The following SH3BGR variants were observed in gnomAD, a reference collection of about 807,000 sequenced individuals.
SH3BGR encodes the protein SH3 domain-binding glutamic acid-rich protein.
In SH3BGR, 29 loss-of-function variants were observed where a neutral mutation model predicts 24.5. That is an observed-to-expected ratio of 1.18 (90% CI 0.88 to 1.61). The LOEUF (loss-of-function observed/expected upper bound fraction) is 1.61. Ranked by LOEUF, SH3BGR falls within the 40% of genes most tolerant of loss-of-function variation. The pLI, the probability that SH3BGR is intolerant of heterozygous loss-of-function variation, is 0.00. For synonymous variants in SH3BGR, 55 were observed against 65.7 expected (o/e 0.84, Z 0.79); for missense variants, 162 against 205.8 (o/e 0.79, Z 1.30).
At position 39,510,398 on chromosome 21, in the gene SH3BGR, T is replaced by TACACAC. The variant is rs34806393; in HGVS notation, c.436-1263_436-1258dup. On this transcript the variant is annotated intron_variant, in intron 5 of 6. Transcript: ENST00000333634. ...CACACACACACACACACACTGTAGCTACACACACACACACACACACACACT... is the reference window on the plus strand; with the variant it reads ...CACACACACACACACACACTGTAGCTACACACACACACACACACACACACACACACT... Among the ~76,000 whole-genome samples the TACACAC allele has an allele frequency of 1.9e-3, 207 of 111,656 alleles. 3 individuals carry two copies. The highest frequency in any genetic ancestry group is 6.7e-3 in the African/African-American group (189 of 28,040). 73.3% of individuals were successfully genotyped at this position (111,656 alleles called of 152,430 possible).
intron 3 of SH3BGR, among the ~76,000 whole-genome samples, chr21:39,485,361 G>A (rs1484057460): frequency 6.6e-6 from 1 of 152,174 alleles, no homozygotes; most frequent in East Asian, 1.9e-4. Flanking sequence ...GAATCGGGCA[G>A]GGAGAATAAG....
At chr21:39,513,867 AT>A (rs1419168284) in intron 6 of SH3BGR, among the ~76,000 whole-genome samples, 4 of 152,180 alleles carry the variant, frequency 2.6e-5, no homozygotes, top group Non-Finnish European at 5.9e-5. Context: ...TTCTTTAAAA[AT>A]TGTGCAGTTT....
At chr21:39,498,609 T>A (rs1380257048) in intron 3 of SH3BGR, among the ~76,000 whole-genome samples, 2 of 152,150 alleles carry the variant, frequency 1.3e-5, no homozygotes, top group African/African-American at 4.8e-5. Context: ...ATAATGCGGG[T>A]GACAAAATCA....
At chr21:39,502,224 C>G (rs993935875) in intron 4 of SH3BGR, among the ~76,000 whole-genome samples, 1 of 152,174 alleles carries the variant, frequency 6.6e-6, no homozygotes, top group African/African-American at 2.4e-5. Context: ...AAAGGCATCT[C>G]TCCTCCCAGG....
intron 1 of SH3BGR, among the ~76,000 whole-genome samples, chr21:39,453,775 G>A (rs962077456): frequency 1.4e-4 from 21 of 152,184 alleles, no homozygotes; most frequent in African/African-American, 4.8e-4. Flanking sequence ...GTAAAATGAG[G>A]ATAAGAATAG....
At chr21:39,489,545 C>T (rs2078264639) in intron 3 of SH3BGR, among the ~76,000 whole-genome samples, 1 of 152,142 alleles carries the variant, frequency 6.6e-6, no homozygotes, top group Non-Finnish European at 1.5e-5. Context: ...GAGTGATCAA[C>T]AGGGCAGGGC....
intron 3 of SH3BGR, among the ~76,000 whole-genome samples, chr21:39,496,775 A>G (rs2078404759): frequency 6.6e-6 from 1 of 152,162 alleles, no homozygotes; most frequent in Non-Finnish European, 1.5e-5. Flanking sequence ...CAAGAAACAT[A>G]CAGGGCCTCT....
intron 4 of SH3BGR, 70 bp downstream of exon 4, chr21:39,499,985 C>A: frequency 9.1e-7 from 1 of 1,102,136 alleles, no homozygotes; most frequent in Non-Finnish European, 1.4e-6. Flanking sequence ...AGGGCTTGTA[C>A]AACTTGACTC....
At chr21:39,505,358 T>C (rs1028904967) in intron 4 of SH3BGR, among the ~76,000 whole-genome samples, 2 of 152,196 alleles carry the variant, frequency 1.3e-5, no homozygotes, top group African/African-American at 4.8e-5. Flanking sequence ...TTACTTATCC[T>C]TTCGAGGCTA....
At chr21:39,468,363 G>A (rs2077878597) in intron 2 of SH3BGR, among the ~76,000 whole-genome samples, 2 of 152,352 alleles carry the variant, frequency 1.3e-5, no homozygotes, top group African/African-American at 2.4e-5. Context: ...AGTTTAAGAA[G>A]GACAGTATAC....
upstream of SH3BGR, among the ~76,000 whole-genome samples, chr21:39,448,137 G>A (rs1227902913): frequency 6.6e-6 from 1 of 152,162 alleles, no homozygotes; most frequent in African/African-American, 2.4e-5. Flanking sequence ...AGGACAACCA[G>A]TCATTGGACT....
intron 4 of SH3BGR, among the ~76,000 whole-genome samples, chr21:39,507,901 A>T (rs185534440): frequency 1.3e-5 from 2 of 152,288 alleles, no homozygotes; most frequent in Non-Finnish European, 2.9e-5. Flanking sequence ...GATTACAGGC[A>T]TGAGCTGTTG....
At chr21:39,466,844 A>G (rs1260495725) in intron 2 of SH3BGR, among the ~76,000 whole-genome samples, 1 of 152,224 alleles carries the variant, frequency 6.6e-6, no homozygotes, top group Non-Finnish European at 1.5e-5. Flanking sequence ...ATATCACCAT[A>G]GATGTTGCAA....
chr21:39,463,093 AG>A (rs2148462509), intron 2 of SH3BGR, among the ~76,000 whole-genome samples: 1 of 151,274 alleles, frequency 6.6e-6, no homozygotes, highest in Admixed American at 6.5e-5. Context: ...TATGTTGCCC[AG>A]GCTGCTCTGG....
At chr21:39,460,368 C>T (rs1241496407) in intron 1 of SH3BGR, among the ~76,000 whole-genome samples, 1 of 152,104 alleles carries the variant, frequency 6.6e-6, no homozygotes, top group African/African-American at 2.4e-5. Context: ...GTGACTAATA[C>T]TCTTATTTTC....
At chr21:39,488,233 G>A (rs1360442189) in intron 3 of SH3BGR, 1 of 153,216 alleles carries the variant, frequency 6.5e-6, no homozygotes, top group Non-Finnish European at 1.5e-5. Context: ...AAAGTTTCTA[G>A]CATATAATCC....
intron 3 of SH3BGR, among the ~76,000 whole-genome samples, chr21:39,487,040 A>G (rs1416356417): frequency 1.3e-5 from 2 of 152,230 alleles, no homozygotes; most frequent in East Asian, 1.9e-4. Flanking sequence ...TAGTACATTA[A>G]TTTAGTCAGG....
rs148658031 is a variant in SH3BGR at position 39,479,830 on chromosome 21, A to G, written c.312+4615A>G. 1.5e-3 allele frequency among the ~76,000 whole-genome samples: 222 copies of G among 151,838 alleles called. 3 individuals are homozygous for G. The highest frequency in any genetic ancestry group is 4.5e-3 in the African/African-American group (188 of 41,514). Reference sequence around the variant, plus strand: ...TTCTGGTTAAGTCAATTATTACTCAACGATTCCCTTTACTGCCTTTGAATT... The same window carrying G: ...TTCTGGTTAAGTCAATTATTACTCAGCGATTCCCTTTACTGCCTTTGAATT... On this transcript the variant is annotated intron_variant, in intron 3 of 6. Coordinates refer to ENST00000333634, the MANE Select transcript of SH3BGR (RefSeq NM_007341.3).
intron 1 of SH3BGR, among the ~76,000 whole-genome samples, chr21:39,455,014 C>G (rs891991552): frequency 1.1e-4 from 17 of 152,190 alleles, no homozygotes; most frequent in African/African-American, 4.1e-4. Flanking sequence ...CAGAAAGCAG[C>G]CTTCCAAGCT....
Sources: allele counts gnomAD v4.1 joint callset (sites outside exome capture counted in the v4.1 genomes callset), GRCh38; gene constraint gnomAD v4.1.1; transcripts MANE v1.5; gene names NCBI Gene and HGNC (gene_info 2026-07-23, HGNC 2026-07-21).